Variants in HTR1F observed in about 807,000 individuals in gnomAD.
HTR1F encodes 5-hydroxytryptamine receptor 1F, also known as 5-hydroxytryptamine (serotonin) receptor 1F, G protein-coupled.
In HTR1F, 17 loss-of-function variants were observed where a neutral mutation model predicts 24.0. That is an observed-to-expected ratio of 0.71 (90% CI 0.48 to 1.06). HTR1F has a LOEUF of 1.06. Ranked by LOEUF, HTR1F falls within the 50% of genes least tolerant of loss-of-function variation. HTR1F has a pLI of 0.00. For synonymous variants in HTR1F, 186 were observed against 156.8 expected, an observed-to-expected ratio of 1.19 and a Z score of -1.39; for missense variants, 391 against 427.8, an observed-to-expected ratio of 0.91 and a Z score of 0.76.
At chr3:87,796,328 G>A (rs1030480291) in intron 1 of HTR1F, among the ~76,000 whole-genome samples, 1 of 152,084 alleles carries the variant, frequency 6.6e-6, no homozygotes, top group Non-Finnish European at 1.5e-5. Context: ...ACTGATATGA[G>A]AAGACAAAGG....
chr3:87,842,605 A>G (rs1469116962), intron 2 of HTR1F, among the ~76,000 whole-genome samples: 1 of 152,006 alleles, frequency 6.6e-6, no homozygotes, highest in Non-Finnish European at 1.5e-5. Flanking sequence ...AATAATGACA[A>G]GTACTAAATT....
chr3:87,855,256 C>A (rs1385712993), intron 2 of HTR1F, among the ~76,000 whole-genome samples: 1 of 152,034 alleles, frequency 6.6e-6, no homozygotes, highest in Non-Finnish European at 1.5e-5. Flanking sequence ...TAGTTCTCAC[C>A]TGTTTAACTA....
At chr3:87,860,456 A>AG (rs1316562084) in intron 2 of HTR1F, among the ~76,000 whole-genome samples, 1 of 152,198 alleles carries the variant, frequency 6.6e-6, no homozygotes, top group Non-Finnish European at 1.5e-5. Flanking sequence ...CTCTGACACT[A>AG]GGCCACATCT....
At chr3:87,869,880 T>C (rs186238492) in intron 2 of HTR1F, among the ~76,000 whole-genome samples, 84 of 152,200 alleles carry the variant, frequency 5.5e-4, no homozygotes, top group East Asian at 1.4e-3. Context: ...GTGGCCCAAA[T>C]TGACACATAA....
At chr3:87,824,928 C>T (rs1266714119) in intron 2 of HTR1F, among the ~76,000 whole-genome samples, 1 of 152,164 alleles carries the variant, frequency 6.6e-6, no homozygotes, top group East Asian at 1.9e-4. Context: ...CCAGCCACCC[C>T]TCTCTAGCTT....
chr3:87,820,669 G>A (rs114473250), intron 1 of HTR1F, among the ~76,000 whole-genome samples: 3,584 of 152,024 alleles, frequency 0.024, 61 homozygotes, highest in Non-Finnish European at 0.031. Context: ...TAATAAATTT[G>A]AGAGTTGATA....
At chr3:87,851,326 T>G (rs1705081826) in intron 2 of HTR1F, among the ~76,000 whole-genome samples, 1 of 151,612 alleles carries the variant, frequency 6.6e-6, no homozygotes, top group South Asian at 2.1e-4. Context: ...TGCACAGACT[T>G]TGCTTCCATT....
intron 2 of HTR1F, among the ~76,000 whole-genome samples, chr3:87,878,449 A>G (rs1705717818): frequency 6.6e-6 from 1 of 152,178 alleles, no homozygotes; most frequent in South Asian, 2.1e-4. Context: ...CAGAGATAGA[A>G]TAAAAGAGAA....
At chr3:87,903,624 A>C (rs1468304826) in intron 2 of HTR1F, among the ~76,000 whole-genome samples, 2 of 151,578 alleles carry the variant, frequency 1.3e-5, no homozygotes, top group Non-Finnish European at 2.9e-5. Context: ...GTCAGGAAAC[A>C]ACAGGTGCTG....
intron 2 of HTR1F, among the ~76,000 whole-genome samples, chr3:87,834,716 T>G (rs1247613755): frequency 2.0e-5 from 3 of 152,208 alleles, no homozygotes; most frequent in African/African-American, 7.2e-5. Context: ...TCCCTGGTGC[T>G]AAGAAGGGTT....
chr3:87,921,936 G>A, intron 2 of HTR1F, among the ~76,000 whole-genome samples: 1 of 151,870 alleles, frequency 6.6e-6, no homozygotes, highest in East Asian at 1.9e-4. Flanking sequence ...TCTTTTGATG[G>A]AAACTGAGGT....
intron 2 of HTR1F, among the ~76,000 whole-genome samples, chr3:87,876,151 A>G (rs1236308323): frequency 2.0e-5 from 3 of 152,232 alleles, no homozygotes; most frequent in Admixed American, 1.3e-4. Flanking sequence ...TGTGCTGATC[A>G]TGGGCGTATA....
At chr3:87,951,275 GAAC>G (rs1425613252) in intron 2 of HTR1F, among the ~76,000 whole-genome samples, 1 of 152,096 alleles carries the variant, frequency 6.6e-6, no homozygotes, top group Non-Finnish European at 1.5e-5. Context: ...TTACCACGAA[GAAC>G]AATAGTTATA....
intron 2 of HTR1F, among the ~76,000 whole-genome samples, chr3:87,851,502 G>A (rs1387466380): frequency 2.6e-5 from 4 of 151,368 alleles, no homozygotes; most frequent in Non-Finnish European, 5.9e-5. Context: ...TTAGCTTTTT[G>A]AAAATATATT....
intron 2 of HTR1F, among the ~76,000 whole-genome samples, chr3:87,925,880 G>A (rs169937): frequency 3.3e-5 from 5 of 152,118 alleles, no homozygotes; most frequent in Admixed American, 3.3e-4. Flanking sequence ...TTGTACTTCA[G>A]AAGGCTGTGT....
chr3:87,935,264 G>A (rs747735529), intron 2 of HTR1F, among the ~76,000 whole-genome samples: 12 of 152,306 alleles, frequency 7.9e-5, no homozygotes, highest in Non-Finnish European at 1.3e-4. Context: ...AAAGGAGAGG[G>A]AGTGTGGGTA....
At chr3:87,889,753 T>C (rs1195708815) in intron 2 of HTR1F, among the ~76,000 whole-genome samples, 1 of 152,206 alleles carries the variant, frequency 6.6e-6, no homozygotes, top group Admixed American at 6.5e-5. Flanking sequence ...TGGAAACCTA[T>C]TGCACTAAGT....
intron 2 of HTR1F, among the ~76,000 whole-genome samples, chr3:87,864,891 C>CAA (rs751380551): frequency 2.5e-5 from 2 of 78,758 alleles, no homozygotes; most frequent in Admixed American, 2.9e-4. Context: ...GACTTCATCT[C>CAA]AAAAAAAAAA....
intron 2 of HTR1F, among the ~76,000 whole-genome samples, chr3:87,944,040 C>T (rs545165563): frequency 6.6e-6 from 1 of 152,174 alleles, no homozygotes; most frequent in Non-Finnish European, 1.5e-5. Flanking sequence ...GGGTGCGTAA[C>T]CACCCATGGA....
Sources: gnomAD v4.1 joint callset for allele counts (sites outside exome capture counted in the v4.1 genomes callset) on GRCh38, gnomAD v4.1.1 for gene constraint, MANE v1.5 for transcripts, NCBI Gene and HGNC (gene_info 2026-07-23, HGNC 2026-07-21) for gene names.